IDO2: variants seen among roughly 807,000 people sequenced by gnomAD.
IDO2 encodes the protein indoleamine 2,3-dioxygenase 2, also known as indoleamine 2,3-dioxygenase-like 1 protein.
A neutral mutation model predicts 45.1 loss-of-function variants in IDO2; 46 were observed. The observed-to-expected ratio is 1.02, with a 90% CI of 0.80 to 1.30. IDO2 has a LOEUF of 1.30. Ranked by LOEUF, IDO2 falls within the 50% of genes most tolerant of loss-of-function variation. IDO2 has a pLI of 0.00. For missense variants in IDO2, 544 were observed against 491.8 expected (o/e 1.11, Z -1.00); for synonymous variants, 218 against 184.9 (o/e 1.18, Z -1.45).
At chr8:39,974,048 G>A (rs1417321097) in intron 3 of IDO2, among the ~76,000 whole-genome samples, 1 of 152,054 alleles carries the variant, frequency 6.6e-6, no homozygotes, top group East Asian at 1.9e-4. Flanking sequence ...CCAAAATAAT[G>A]TTTGTATTGG....
rs778266020 is a variant in IDO2, at chr8:39,982,684, C to T, written c.348C>T (p.Val116=). 28 of 1,610,958 alleles carry T rather than the reference C, an allele frequency of 1.7e-5. 1 individual carries two copies. The South Asian group carries it at 2.0e-4, about 11-fold the overall frequency. Reference sequence around the variant, plus strand: ...CAAGGAATCTTGCCCTTCCATTTGTCGAAGTCTCCAGGAACTTGGGGCTCC... The same window carrying T: ...CAAGGAATCTTGCCCTTCCATTTGTTGAAGTCTCCAGGAACTTGGGGCTCC... Residue 116 remains valine (V), a synonymous_variant, in exon 5 of 11, where the codon GTC becomes GTT. Transcript: ENST00000502986.
intron 8 of IDO2, among the ~76,000 whole-genome samples, chr8:39,991,887 G>A (rs184196443): frequency 6.6e-6 from 1 of 152,150 alleles, no homozygotes; most frequent in Non-Finnish European, 1.5e-5. Context: ...CACTTTTTAG[G>A]CCCAGGCCAA....
At position 39,943,795 on chromosome 8, in the gene IDO2, AG is replaced by A. The variant is rs569165762; in HGVS notation, c.-17-5353del. On this transcript the variant is annotated intron_variant, in intron 1 of 10. Coordinates refer to ENST00000502986, the Ensembl canonical transcript of IDO2. ...GCTAACATCATACTGAATGGTGAAC[AG>A]TTGAATGCTTTCGTCTAAGAACTGG... 5.9e-5 allele frequency among the ~76,000 whole-genome samples: 9 copies of A among 152,032 alleles called. No homozygotes were observed. The South Asian group carries it at 1.9e-3, about 32-fold the overall frequency.
intron 8 of IDO2, among the ~76,000 whole-genome samples, chr8:40,004,883 G>C (rs1200494984): frequency 6.6e-6 from 1 of 152,150 alleles, no homozygotes; most frequent in Non-Finnish European, 1.5e-5. Context: ...CACTTGCTCC[G>C]CTCTTGTATC....
At chr8:40,007,629 G>A (rs1460505579) in intron 9 of IDO2, among the ~76,000 whole-genome samples, 1 of 152,084 alleles carries the variant, frequency 6.6e-6, no homozygotes, top group Non-Finnish European at 1.5e-5. Context: ...AAACAGACTG[G>A]GATTTAGGAA....
chr8:39,995,264 C>CT, intron 8 of IDO2: 1 of 106,350 alleles, frequency 9.4e-6, no homozygotes, highest in Admixed American at 1.1e-4. Flanking sequence ...TCTTCTTCTT[C>CT]CTCTTCTTCT....
intron 3 of IDO2, among the ~76,000 whole-genome samples, chr8:39,977,223 G>A (rs1313206767): frequency 3.9e-5 from 6 of 152,164 alleles, no homozygotes; most frequent in Non-Finnish European, 8.8e-5. Context: ...GACAGTGAAA[G>A]ATATTTGAAT....
intron 2 of IDO2, among the ~76,000 whole-genome samples, chr8:39,962,117 C>T (rs569472642): frequency 3.9e-5 from 6 of 152,284 alleles, no homozygotes; most frequent in Admixed American, 6.5e-5. Context: ...TTTACTGTCC[C>T]TTGGGTGAGA....
intron 8 of IDO2, among the ~76,000 whole-genome samples, chr8:40,003,074 A>C (rs1299070433): frequency 4.6e-5 from 7 of 152,188 alleles, no homozygotes; most frequent in Non-Finnish European, 1.0e-4. Context: ...TCTTTTAGGT[A>C]TTCATATTGA....
chr8:40,005,125 G>GTTTA (rs1802200873), intron 8 of IDO2, among the ~76,000 whole-genome samples: 1 of 152,206 alleles, frequency 6.6e-6, no homozygotes, highest in Non-Finnish European at 1.5e-5. Context: ...GGCAACATAT[G>GTTTA]GAATAGTTTA....
At chr8:39,963,748 A>G (rs566748519) in intron 3 of IDO2, 45 bp downstream of exon 3, 5 of 1,150,068 alleles carry the variant, frequency 4.3e-6, no homozygotes, top group East Asian at 2.4e-5. Context: ...TTTCATCATC[A>G]TACCACTTTT....
intron 9 of IDO2, among the ~76,000 whole-genome samples, chr8:40,011,467 A>G (rs565894971): frequency 5.3e-5 from 8 of 152,326 alleles, no homozygotes; most frequent in African/African-American, 1.9e-4. Flanking sequence ...AATGTTGTTC[A>G]TCAACTTTAT....
intron 3 of IDO2, among the ~76,000 whole-genome samples, chr8:39,975,633 G>A (rs531714322): frequency 1.3e-4 from 20 of 152,236 alleles, no homozygotes; most frequent in Non-Finnish European, 2.5e-4. Flanking sequence ...GCATGAACAG[G>A]TATTGGCAGG....
At chr8:39,998,642 T>TC in intron 8 of IDO2, 4 of 142,792 alleles carry the variant, frequency 2.8e-5, no homozygotes, top group Non-Finnish European at 4.6e-5. Flanking sequence ...CTTCTTCTTT[T>TC]TTTTTTTTTT....
chr8:39,990,629 A>G (rs1808485688), intron 8 of IDO2, among the ~76,000 whole-genome samples: 1 of 152,248 alleles, frequency 6.6e-6, no homozygotes, highest in Non-Finnish European at 1.5e-5. Flanking sequence ...AATGATCTCA[A>G]AACAGTTACA....
intron 1 of IDO2, among the ~76,000 whole-genome samples, chr8:39,939,282 C>A (rs1807606912): frequency 6.8e-6 from 1 of 147,580 alleles, no homozygotes; most frequent in Non-Finnish European, 1.5e-5. Context: ...AGTGGTGGCT[C>A]ACACCTGTAA....
At chr8:39,942,720 G>T (rs894544356) in intron 1 of IDO2, among the ~76,000 whole-genome samples, 1 of 152,202 alleles carries the variant, frequency 6.6e-6, no homozygotes. Context: ...TCTGATGCCA[G>T]CTTCCAGGAA....
At chr8:39,994,971 G>A (rs1021719936) in intron 8 of IDO2, 1 of 152,038 alleles carries the variant, frequency 6.6e-6, no homozygotes, top group Non-Finnish European at 1.5e-5. Context: ...ACTAGTTGAC[G>A]GCCTCTATTC....
rs774819588 is a variant in IDO2 at position 39,982,621 on chromosome 8, T to A, written c.316-31T>A. ...TTCCTCTGCTGCAAGCTTTCTAGAA[T>A]ATGCTATTTGTCTGGATTTATATCT... On this transcript the variant is annotated intron_variant, in intron 4 of 10. Transcript: ENST00000502986. 3.3e-5 allele frequency: 46 copies of A among 1,385,688 alleles called. 1 individual carries two copies. The South Asian group carries it at 4.9e-4, about 15-fold the overall frequency. The allele number at this position is 1,385,688 out of a possible 1,614,324, so 85.8% of individuals were successfully genotyped here. A position where few individuals can be genotyped will look rare whatever the true frequency, so the allele number is the denominator to read the frequency against.
Sources: gnomAD v4.1 joint callset for allele counts (sites outside exome capture counted in the v4.1 genomes callset) on GRCh38, gnomAD v4.1.1 for gene constraint, MANE v1.5 for transcripts, NCBI Gene and HGNC (gene_info 2026-07-23, HGNC 2026-07-21) for gene names.